Variants in COG2 observed in about 807,000 individuals in gnomAD.
COG2 encodes the protein component of oligomeric golgi complex 2.
In COG2, 52 loss-of-function variants were observed where a neutral mutation model predicts 90.6. The ratio of observed to expected loss-of-function variants is 0.57; its 90% CI spans 0.46 to 0.72. COG2 has a LOEUF of 0.72. Among genes scored for constraint, COG2 ranks in the 30% least tolerant of loss-of-function variants. The pLI is 0.00. For missense variants in COG2, 829 were observed against 891.2 expected (o/e 0.93, Z 0.89); for synonymous variants, 337 against 320.4 (o/e 1.05, Z -0.55).
At chr1:230,684,573 CTT>C (rs1361772999) in intron 11 of COG2, 1 of 154,522 alleles carries the variant, frequency 6.5e-6, no homozygotes, top group East Asian at 1.9e-4. Context: ...TTTCCACTCT[CTT>C]TTATACAGCT....
At chr1:230,685,008 C>A in intron 11 of COG2, 77 bp from the exon 12 acceptor site, 1 of 1,283,246 alleles carries the variant, frequency 7.8e-7, no homozygotes, top group Non-Finnish European at 1.1e-6. Context: ...AATCGTACAT[C>A]GGAAGTCTCA....
At chr1:230,653,158 A>G (rs926945205) in intron 1 of COG2, among the ~76,000 whole-genome samples, 5 of 151,416 alleles carry the variant, frequency 3.3e-5, no homozygotes, top group African/African-American at 1.2e-4. Context: ...GCCAATCCCC[A>G]TTCTCCAGCA....
At chr1:230,653,381 G>A (rs1452593956) in intron 1 of COG2, among the ~76,000 whole-genome samples, 4 of 151,466 alleles carry the variant, frequency 2.6e-5, no homozygotes, top group South Asian at 2.1e-4. Flanking sequence ...CCACCACGCC[G>A]GGCTAATTTT....
At chr1:230,674,200 A>G (rs892348754) in intron 8 of COG2, among the ~76,000 whole-genome samples, 1 of 152,222 alleles carries the variant, frequency 6.6e-6, no homozygotes, top group Non-Finnish European at 1.5e-5. Flanking sequence ...CACTATCCTA[A>G]GTACTTTACA....
At chr1:230,664,049 TGTG>T (rs1452399520) in intron 4 of COG2, among the ~76,000 whole-genome samples, 1 of 151,892 alleles carries the variant, frequency 6.6e-6, no homozygotes, top group Non-Finnish European at 1.5e-5. Context: ...ATTCTCCAGA[TGTG>T]GTGGTGTGTG....
chr1:230,690,012 A>G lies in COG2; in HGVS notation c.1795-2A>G. ...CTTTATCTCCTACCATCATCATTCC[A>G]GGAGGTCCCAACCACAGCTTCCTCC... On this transcript the variant is annotated splice_acceptor_variant, in intron 15 of 17. Transcript: ENST00000366669. LOFTEE classifies it high-confidence loss of function. 1.3e-6 allele frequency: 2 copies of G among 1,586,408 alleles called. No individual in the cohort carries two copies. Among genetic ancestry groups the G allele is most frequent in the East Asian group, 2.3e-5 (1 of 43,744 alleles).
chr1:230,663,262 T>C (rs1379115731), intron 4 of COG2, 41 bp downstream of exon 4: 1 of 1,487,276 alleles, frequency 6.7e-7, no homozygotes, highest in Non-Finnish European at 9.3e-7. Context: ...TGATTCACTG[T>C]AGCACCTTGT....
intron 10 of COG2, chr1:230,681,508 C>T (rs1662748437): frequency 6.6e-6 from 1 of 152,118 alleles, no homozygotes; most frequent in Admixed American, 6.5e-5. Flanking sequence ...AAACAATAGG[C>T]ATCACTATTA....
rs144315946 is a variant in COG2, at chr1:230,677,089, T to G, written c.1027-1824T>G. Among the ~76,000 whole-genome samples, 43 of 152,290 alleles carry G rather than the reference T, an allele frequency of 2.8e-4. No homozygotes were observed. The East Asian group carries it at 7.7e-3, about 27-fold the overall frequency. ...ATATATTATTTCTTCAATTGTGCTT[T>G]TCTTTCATTCCTCTATCATCTCCAT... is the stretch of plus-strand genomic sequence containing the variant. On this transcript the variant is annotated intron_variant, in intron 9 of 17. Transcript: ENST00000366669.
intron 13 of COG2, among the ~76,000 whole-genome samples, chr1:230,687,785 C>T (rs1277678395): frequency 6.6e-6 from 1 of 152,108 alleles, no homozygotes; most frequent in African/African-American, 2.4e-5. Context: ...ATGGTCTTTA[C>T]TGTGAGCTAT....
In COG2 at chr1:230,693,481, T is replaced by C; in HGVS notation, c.*88T>C. 1 of 777,932 alleles carries C rather than the reference T, an allele frequency of 1.3e-6. No individual in the cohort carries two copies. Among genetic ancestry groups the C allele is most frequent in the Non-Finnish European group, 2.1e-6 (1 of 468,276 alleles). 48.2% of individuals were successfully genotyped at this position (777,932 alleles called of 1,614,324 possible). On this transcript the variant is annotated 3_prime_UTR_variant, in exon 18 of 18. Coordinates refer to ENST00000366669, the MANE Select transcript of COG2 (RefSeq NM_007357.3). ...AGGGGAGAAAGTGACTCTGTTCTCTTAGCAACCGTCTGTAGCAAAGAAGTG... is the reference window on the plus strand; with the variant it reads ...AGGGGAGAAAGTGACTCTGTTCTCTCAGCAACCGTCTGTAGCAAAGAAGTG...
chr1:230,642,583 C>T lies in COG2; in HGVS notation c.-24C>T. The T allele has an allele frequency of 6.2e-7, 1 of 1,605,954 alleles. No homozygotes were observed. Among genetic ancestry groups the T allele is most frequent in the Non-Finnish European group, 8.5e-7 (1 of 1,176,102 alleles). On this transcript the variant is annotated 5_prime_UTR_variant, in exon 1 of 18. Transcript: ENST00000366669. ...CTGCGTTTTCTCGCTTGGATCTTGG[C>T]ACTGAGAGGCGGTGGCCGGCGGGAT...
intron 1 of COG2, among the ~76,000 whole-genome samples, chr1:230,648,374 C>T (rs764914842): frequency 1.6e-4 from 24 of 152,322 alleles, no homozygotes; most frequent in Non-Finnish European, 2.6e-4. Flanking sequence ...TTCATGGTTT[C>T]ATTTTTGGTC....
intron 1 of COG2, chr1:230,642,899 G>GTGCGTGTTACAT (rs1661661888): frequency 1.8e-6 from 1 of 545,288 alleles, no homozygotes; most frequent in African/African-American, 2.0e-5. Flanking sequence ...TACATGGAAA[G>GTGCGTGTTACAT]GCCTGAAAGT....
In COG2 at chr1:230,642,518, T is replaced by TGGCGGTGGCCGCGGCCGCC; in HGVS notation, c.-87_-69dup. ...GCGGACCCCCCTGTGCCGTGGAAAC[T>TGGCGGTGGCCGCGGCCGCC]GGCGGTGGCCGCGGCCGCCGAGTCG... On this transcript the variant is annotated 5_prime_UTR_variant, in exon 1 of 18. It removes the in-frame stop codon of an upstream open reading frame in the 5' UTR. Transcript: ENST00000366669. The TGGCGGTGGCCGCGGCCGCC allele has an allele frequency of 7.5e-7, 1 of 1,337,224 alleles. No homozygotes were observed. Among genetic ancestry groups the TGGCGGTGGCCGCGGCCGCC allele is most frequent in the Non-Finnish European group, 1.0e-6 (1 of 957,182 alleles). 82.8% of individuals were successfully genotyped at this position (1,337,224 alleles called of 1,614,324 possible). A position where few individuals can be genotyped will look rare whatever the true frequency, so the allele number is the denominator to read the frequency against.
intron 4 of COG2, among the ~76,000 whole-genome samples, chr1:230,664,136 C>T (rs900080516): frequency 6.6e-6 from 1 of 151,724 alleles, no homozygotes; most frequent in Non-Finnish European, 1.5e-5. Context: ...CTGCAGTGAG[C>T]CAAGATCACA....
At position 230,664,565 on chromosome 1, in the gene COG2, A is replaced by G; in HGVS notation, c.463A>G (p.Thr155Ala). 1 of 1,553,976 alleles carries G rather than the reference A, an allele frequency of 6.4e-7. No homozygotes were observed. Among genetic ancestry groups the G allele is most frequent in the Non-Finnish European group, 8.7e-7 (1 of 1,143,032 alleles). ...CTTAAACTCTCAAAGTTCTAAAGAA[A>G]CCTCTGCACTAGAAGCAAGCAGGTA... ...KILNSQSSKE[T>A]SALEASSPLL... Residue 155 changes from threonine to alanine, a missense_variant, in exon 5 of 18, where the codon ACC (threonine) becomes GCC (alanine). Physicochemically the swap from Thr to Ala is moderately conservative, Grantham distance 58. Transcript: ENST00000366669.
intron 7 of COG2, chr1:230,670,528 T>G (rs2102758686): frequency 6.6e-6 from 1 of 152,306 alleles, no homozygotes; most frequent in South Asian, 2.1e-4. Context: ...ATATTTCAGT[T>G]CTCTCTGTTT....
intron 17 of COG2, among the ~76,000 whole-genome samples, chr1:230,693,018 T>C (rs1438524816): frequency 2.6e-5 from 4 of 152,118 alleles, no homozygotes; most frequent in African/African-American, 7.2e-5. Flanking sequence ...TTTTCTAGAA[T>C]GTTTTTAGGC....
Sources: gnomAD v4.1 joint callset for allele counts (sites outside exome capture counted in the v4.1 genomes callset) on GRCh38, gnomAD v4.1.1 for gene constraint, MANE v1.5 for transcripts, NCBI Gene and HGNC (gene_info 2026-07-23, HGNC 2026-07-21) for gene names.